RAD50: variants seen among roughly 807,000 people sequenced by gnomAD.
The protein encoded by RAD50 is RAD50 double strand break repair protein, also known as DNA repair protein RAD50.
RAD50 carries 132 observed loss-of-function variants against 168.8 expected under a neutral mutation model. The observed-to-expected ratio is 0.78, with a 90% CI of 0.68 to 0.90. The LOEUF is 0.90. Among genes scored for constraint, RAD50 ranks in the 40% least tolerant of loss-of-function variants. The pLI is 0.00. For missense variants in RAD50, 1,347 were observed against 1,534.4 expected, an observed-to-expected ratio of 0.88 and a Z score of 2.04; for synonymous variants, 525 against 497.4, an observed-to-expected ratio of 1.06 and a Z score of -0.74.
intron 24 of RAD50, 98 bp from the exon 25 acceptor site, chr5:132,642,080 C>A: frequency 7.6e-7 from 1 of 1,317,434 alleles, no homozygotes; most frequent in Non-Finnish European, 1.1e-6. Context: ...TGACACACAG[C>A]ACAAGTTCAT....
intron 3 of RAD50, among the ~76,000 whole-genome samples, chr5:132,576,424 A>G (rs551718529): frequency 2.0e-5 from 3 of 152,286 alleles, no homozygotes; most frequent in South Asian, 2.1e-4. Context: ...TTTCTAATGG[A>G]TATGGATTTG....
intron 21 of RAD50, among the ~76,000 whole-genome samples, chr5:132,634,979 G>A (rs1426784832): frequency 6.6e-6 from 1 of 151,966 alleles, no homozygotes; most frequent in African/African-American, 2.4e-5. Context: ...AAATAGCCTT[G>A]TACTTTTTTC....
At chr5:132,601,976 T>A (rs1750897199) in intron 13 of RAD50, among the ~76,000 whole-genome samples, 1 of 151,988 alleles carries the variant, frequency 6.6e-6, no homozygotes, top group African/African-American at 2.4e-5. Context: ...CTGGGGCCTG[T>A]CTGCTGGTGG....
intron 2 of RAD50, among the ~76,000 whole-genome samples, chr5:132,560,566 T>A (rs1023426667): frequency 2.0e-5 from 3 of 152,208 alleles, no homozygotes; most frequent in African/African-American, 7.2e-5. Context: ...AAATGAGAAT[T>A]CCCTTATTTT....
Position 132,595,575 on chromosome 5 carries a change from A to G in RAD50, c.1972A>G (p.Met658Val), listed in dbSNP as rs587782450. The G allele has an allele frequency of 4.4e-6, 7 of 1,602,396 alleles. No individual in the cohort carries two copies. Among genetic ancestry groups the G allele is most frequent in the Non-Finnish European group, 6.0e-6 (7 of 1,169,406 alleles). ...EIEKSSKQRA[M>V]LAGATAVYSQ... ...TATAATTTATTTTCTTAAAATAGCC[A>G]TGCTGGCTGGAGCCACAGCAGTTTA... Residue 658 changes from methionine to valine, a missense_variant and splice_region_variant, in exon 13 of 25, where the codon ATG (methionine) becomes GTG (valine). Met to Val is a conservative substitution (Grantham distance 21, BLOSUM62 1). This residue lies in a region of RAD50 where 703 missense variants were observed against 767.7 expected (regional missense o/e 0.92). Transcript: ENST00000378823.
Position 132,603,301 on chromosome 5 carries a change from C to G in RAD50, c.2209C>G (p.Gln737Glu), listed in dbSNP as rs549559726. 115 of 1,609,376 alleles carry G rather than the reference C, an allele frequency of 7.1e-5. 2 individuals carry two copies. In the East Asian group the frequency reaches 2.5e-3, roughly 36 times the overall value. ...DEMLGLVPMR[Q>E]SIIDLKEKEI... ...TTTTTAATTGTGTTTTCTATTTAGG[C>G]AAAGCATAATTGATTTGAAGGAGAA... is the stretch of plus-strand genomic sequence containing the variant. Residue 737 changes from glutamine to glutamate, a missense_variant and splice_region_variant, in exon 14 of 25, where the codon CAA becomes GAA. Gln to Glu is a conservative substitution (Grantham distance 29, BLOSUM62 2). Around this residue, in one of 3 missense-constraint regions of RAD50, gnomAD observed 635 missense variants for 739.2 expected, o/e 0.86. Transcript: ENST00000378823.
intron 24 of RAD50, 77 bp downstream of exon 24, chr5:132,640,882 C>T: frequency 6.3e-7 from 1 of 1,599,092 alleles, no homozygotes; most frequent in South Asian, 1.1e-5. Context: ...TCTTCAAAAC[C>T]AAGAGAGTTC....
chr5:132,609,440 C>T, intron 19 of RAD50, 44 bp downstream of exon 19: 1 of 1,605,846 alleles, frequency 6.2e-7, no homozygotes, highest in Non-Finnish European at 8.5e-7. Context: ...CTATGACATT[C>T]TTTTCTATAG....
Position 132,637,203 on chromosome 5 carries a change from G to A in RAD50, c.3475+3G>A. On this transcript the variant is annotated splice_donor_region_variant and intron_variant, in intron 22 of 24. Transcript: ENST00000378823. ...GCGAAGTACCTATCGTGGACAAGGT[G>A]AGTACCATGGTGTATCACAAATGCT... 1 of 1,610,416 alleles carries A rather than the reference G, an allele frequency of 6.2e-7. No homozygotes were observed.
chr5:132,558,532 G>A (rs371359853), intron 1 of RAD50, among the ~76,000 whole-genome samples: 2 of 151,716 alleles, frequency 1.3e-5, no homozygotes, highest in African/African-American at 2.4e-5. Context: ...CCAACGTGGC[G>A]AAACCCCATC....
At chr5:132,564,399 G>T (rs2706343) in intron 2 of RAD50, among the ~76,000 whole-genome samples, 10,644 of 152,216 alleles carry the variant, frequency 0.07, 1,178 homozygotes, top group African/African-American at 0.24. Context: ...TGGCAGCATT[G>T]TGCCCCTGCT....
chr5:132,616,772 T>C (rs901052497), intron 20 of RAD50, among the ~76,000 whole-genome samples: 1 of 152,216 alleles, frequency 6.6e-6, no homozygotes, highest in African/African-American at 2.4e-5. Flanking sequence ...AATACTTAGA[T>C]TGTCAACCAC....
chr5:132,620,410 T>C (rs1561652102), intron 21 of RAD50, among the ~76,000 whole-genome samples: 1 of 152,244 alleles, frequency 6.6e-6, no homozygotes, highest in Non-Finnish European at 1.5e-5. Context: ...CTGGGTTCTC[T>C]GTTCTACTTA....
In RAD50 at chr5:132,592,000, A is replaced by C. The variant is rs138796822; in HGVS notation, c.1759A>C (p.Ile587Leu). The C allele has an allele frequency of 2.4e-5, 39 of 1,613,190 alleles. No individual in the cohort carries two copies. Among genetic ancestry groups the C allele is most frequent in the Non-Finnish European group, 3.1e-5 (37 of 1,179,432 alleles). Reference sequence around the variant, plus strand: ...CTGGCTACATAGTAAATCAAAAGAAATTAATCAGACCAGGGACAGACTTGC... The same window carrying C: ...CTGGCTACATAGTAAATCAAAAGAACTTAATCAGACCAGGGACAGACTTGC... The part of the protein sequence containing the change: ...EDWLHSKSKE[I>L]NQTRDRLAKL... The change falls in exon 11 of 25, where the codon ATT becomes CTT. Residue 587 changes from isoleucine (I) to leucine (L), a missense_variant. Physicochemically the swap from Ile to Leu is conservative, Grantham distance 5 (BLOSUM62 2). This residue lies in a region of RAD50 where 703 missense variants were observed against 767.7 expected (regional missense o/e 0.92). Transcript: ENST00000378823.
intron 3 of RAD50, among the ~76,000 whole-genome samples, chr5:132,577,918 G>A (rs372815212): frequency 1.3e-4 from 19 of 148,544 alleles, no homozygotes; most frequent in East Asian, 4.0e-4. Flanking sequence ...GGGTTTAAGC[G>A]ATTCTCCTGC....
At chr5:132,611,935 T>G (rs1459415773) in intron 19 of RAD50, among the ~76,000 whole-genome samples, 2 of 152,158 alleles carry the variant, frequency 1.3e-5, no homozygotes, top group African/African-American at 4.8e-5. Flanking sequence ...GATTGAAGCC[T>G]GAAGTAAATG....
At chr5:132,632,597 CT>C (rs1297014683) in intron 21 of RAD50, among the ~76,000 whole-genome samples, 18 of 152,258 alleles carry the variant, frequency 1.2e-4, no homozygotes, top group African/African-American at 4.3e-4. Context: ...TATTTAACCA[CT>C]ATTGAACATA....
intron 11 of RAD50, among the ~76,000 whole-genome samples, chr5:132,594,464 A>G (rs1435555051): frequency 6.6e-6 from 1 of 152,200 alleles, no homozygotes; most frequent in Non-Finnish European, 1.5e-5. Flanking sequence ...GGGAGGATAC[A>G]AAAGAAACAG....
chr5:132,604,865 C>T lies in RAD50; in HGVS notation c.2584C>T (p.His862Tyr), dbSNP rs876660666. Residue 862 changes from histidine to tyrosine, a missense_variant, in exon 16 of 25, where the codon CAT becomes TAT. Physicochemically the swap from His to Tyr is moderately conservative, Grantham distance 83. Transcript: ENST00000378823. Reference protein sequence around the residue: ...LIQDQQEQIQHLKSTTNELKS... With the variant: ...LIQDQQEQIQYLKSTTNELKS... ...ACAGGACCAGCAGGAACAGATTCAACATCTAAAAAGTACAACAAATGAGCT... is the reference window on the plus strand; with the variant it reads ...ACAGGACCAGCAGGAACAGATTCAATATCTAAAAAGTACAACAAATGAGCT... The T allele has an allele frequency of 6.2e-7, 1 of 1,613,624 alleles. No individual in the cohort carries two copies. Among genetic ancestry groups the T allele is most frequent in the Admixed American group, 1.7e-5 (1 of 59,984 alleles).
Sources: gnomAD v4.1 joint callset for allele counts (sites outside exome capture counted in the v4.1 genomes callset) on GRCh38, gnomAD v4.1.1 for gene constraint, gnomAD v4.1.1 regional missense constraint, MANE v1.5 for transcripts, NCBI Gene and HGNC (gene_info 2026-07-23, HGNC 2026-07-21) for gene names.